The following CNOT6 variants were observed in gnomAD, a reference collection of about 807,000 sequenced individuals.
CNOT6 encodes the protein carbon catabolite repression 4 protein.
CNOT6 carries 12 observed loss-of-function variants against 61.2 expected under a neutral mutation model. The ratio of observed to expected loss-of-function variants is 0.20; its 90% CI spans 0.13 to 0.32. CNOT6 has a LOEUF of 0.32. Among genes scored for constraint, CNOT6 ranks in the 10% least tolerant of loss-of-function variants. The pLI, the probability that CNOT6 is intolerant of heterozygous loss-of-function variation, is 1.00. For synonymous variants in CNOT6, 225 were observed against 240.6 expected, an observed-to-expected ratio of 0.94 and a Z score of 0.60; for missense variants, 405 against 663.9, an observed-to-expected ratio of 0.61 and a Z score of 4.28.
At chr5:180,544,990 A>C (rs764797570) in intron 2 of CNOT6, among the ~76,000 whole-genome samples, 74 of 152,316 alleles carry the variant, frequency 4.9e-4, no homozygotes, top group Admixed American at 5.2e-4. Flanking sequence ...TTTTATATTA[A>C]ATGCCTTATT....
chr5:180,496,151 C>T (rs1756604613), intron 1 of CNOT6, among the ~76,000 whole-genome samples: 1 of 152,220 alleles, frequency 6.6e-6, no homozygotes, highest in Non-Finnish European at 1.5e-5. Context: ...GATCTTCCTT[C>T]CTTGGCCTCC....
In CNOT6 at chr5:180,524,085, A is replaced by C. The variant is rs575469790; in HGVS notation, c.-2-5190A>C. 2.6e-5 allele frequency among the ~76,000 whole-genome samples: 4 copies of C among 152,310 alleles called. No homozygotes were observed. In the East Asian group the frequency reaches 7.7e-4, roughly 29 times the overall value. On this transcript the variant is annotated intron_variant, in intron 1 of 11. Transcript: ENST00000261951. The stretch of plus-strand genomic sequence containing the variant: ...TTTGTTTGATTGTGCCAGGATCAGT[A>C]GTGATGTCTGGCATTTGATTGGTAA...
rs1484248819 is a variant in CNOT6, at chr5:180,512,504, G to A, written c.-2-16771G>A. ...TTCTCAGCAGTAGAGATCTTAAAGGGGAAGAGAAGGGATGATATAGAATCA... is the reference window on the plus strand; with the variant it reads ...TTCTCAGCAGTAGAGATCTTAAAGGAGAAGAGAAGGGATGATATAGAATCA... On this transcript the variant is annotated intron_variant, in intron 1 of 11. Coordinates refer to ENST00000261951, the MANE Select transcript of CNOT6 (RefSeq NM_001370472.1). Among the ~76,000 whole-genome samples the A allele has an allele frequency of 2.6e-5, 4 of 152,208 alleles. No individual in the cohort carries two copies. The East Asian group carries it at 5.8e-4, about 22-fold the overall frequency.
At chr5:180,553,234 C>T in intron 3 of CNOT6, 152 bp from the exon 4 acceptor site, 1 of 364,930 alleles carries the variant, frequency 2.7e-6, no homozygotes, top group Non-Finnish European at 5.1e-6. Flanking sequence ...TTTTAAACCA[C>T]ATGTTATTTA....
chr5:180,549,457 T>G (rs375149769), intron 2 of CNOT6, among the ~76,000 whole-genome samples: 165 of 152,086 alleles, frequency 1.1e-3, no homozygotes, highest in Non-Finnish European at 2.1e-3. Flanking sequence ...AGACCATCCT[T>G]GTTAACACCG....
intron 1 of CNOT6, among the ~76,000 whole-genome samples, chr5:180,523,595 A>G (rs1449163413): frequency 1.3e-5 from 2 of 152,274 alleles, no homozygotes; most frequent in East Asian, 3.9e-4. Flanking sequence ...CTTTAAATGT[A>G]ACTTTTTCTG....
intron 1 of CNOT6, among the ~76,000 whole-genome samples, chr5:180,522,034 T>A (rs1757898963): frequency 6.6e-6 from 1 of 152,214 alleles, no homozygotes; most frequent in Non-Finnish European, 1.5e-5. Flanking sequence ...GAAAGATTTA[T>A]TTTTCTTTGG....
In CNOT6 at chr5:180,549,982, C is replaced by G. The variant is rs1240232648; in HGVS notation, c.164C>G (p.Ala55Gly). Residue 55 changes from alanine to glycine, a missense_variant, in exon 3 of 12, where the codon GCT (alanine) becomes GGT (glycine). By Grantham distance (60) the Ala-to-Gly change is moderately conservative. This residue lies in a region of CNOT6 where 212 missense variants were observed against 307.1 expected (regional missense o/e 0.69). Coordinates refer to ENST00000261951, the MANE Select transcript of CNOT6 (RefSeq NM_001370472.1). ...ASLWSLTHLT[A>G]LHLSDNSLSR... ...TTGTGGTCACTAACTCACCTGACAG[C>G]TTTGCATTTGAGTGACAATTCCCTG... The G allele has an allele frequency of 6.2e-7, 1 of 1,614,022 alleles. No homozygotes were observed.
At chr5:180,533,299 C>G (rs1758481333) in intron 2 of CNOT6, among the ~76,000 whole-genome samples, 1 of 124,428 alleles carries the variant, frequency 8.0e-6, no homozygotes, top group Non-Finnish European at 1.7e-5. Flanking sequence ...AACCAGGAAC[C>G]ATGGATGAAA....
chr5:180,571,821 C>T (rs899897889), intron 11 of CNOT6, among the ~76,000 whole-genome samples: 3 of 152,146 alleles, frequency 2.0e-5, no homozygotes, highest in Admixed American at 1.3e-4. Context: ...CCTCAGCCTC[C>T]CAGTGTGCTG....
intron 2 of CNOT6, among the ~76,000 whole-genome samples, chr5:180,549,062 C>T (rs898526624): frequency 6.7e-6 from 1 of 150,054 alleles, no homozygotes. Context: ...CTATCTGAAG[C>T]GTTTCTGGGC....
At chr5:180,573,596 TGTGTGTCC>T (rs781562695) in intron 11 of CNOT6, among the ~76,000 whole-genome samples, 14,617 of 41,402 alleles carry the variant, frequency 0.35, 790 homozygotes, top group East Asian at 0.53. Context: ...TGTGTGTGTG[TGTGTGTCC>T]GTCCGTCCGT....
intron 4 of CNOT6, among the ~76,000 whole-genome samples, chr5:180,555,627 G>T (rs763235232): frequency 6.6e-6 from 1 of 152,076 alleles, no homozygotes; most frequent in African/African-American, 2.4e-5. Context: ...CTAATGTTGT[G>T]TCGGAACATT....
chr5:180,563,322 T>C (rs765986212), intron 4 of CNOT6, among the ~76,000 whole-genome samples: 31 of 151,998 alleles, frequency 2.0e-4, no homozygotes, highest in Non-Finnish European at 4.3e-4. Context: ...TTCACGCCAT[T>C]CTCCTGCCTC....
At chr5:180,570,974 A>G (rs1581575744) in intron 10 of CNOT6, among the ~76,000 whole-genome samples, 1 of 152,242 alleles carries the variant, frequency 6.6e-6, no homozygotes, top group Non-Finnish European at 1.5e-5. Context: ...AATATTATCC[A>G]CCAGCCCAAT....
intron 1 of CNOT6, among the ~76,000 whole-genome samples, chr5:180,502,744 T>TA (rs1333084135): frequency 1.3e-5 from 2 of 152,166 alleles, no homozygotes; most frequent in Non-Finnish European, 2.9e-5. Flanking sequence ...ATAGATGTGT[T>TA]AGTAATCTCT....
intron 2 of CNOT6, among the ~76,000 whole-genome samples, chr5:180,544,975 A>G (rs754524340): frequency 6.6e-6 from 1 of 152,116 alleles, no homozygotes; most frequent in Non-Finnish European, 1.5e-5. Context: ...AAAAACAACA[A>G]ATTGTTTTAT....
intron 1 of CNOT6, among the ~76,000 whole-genome samples, chr5:180,515,814 G>A (rs1464502975): frequency 6.6e-5 from 10 of 152,006 alleles, no homozygotes; most frequent in African/African-American, 1.5e-4. Context: ...TCTCCTTTAT[G>A]GTTGGGAAAA....
chr5:180,534,507 C>T (rs11740121), intron 2 of CNOT6: 34,804 of 149,868 alleles, frequency 0.23, 5,088 homozygotes, highest in Non-Finnish European at 0.33. Flanking sequence ...GAGGAATAGT[C>T]TGGTGTGGAG....
Sources: allele counts gnomAD v4.1 joint callset (sites outside exome capture counted in the v4.1 genomes callset), GRCh38; gene constraint gnomAD v4.1.1; regional missense constraint gnomAD v4.1.1; transcripts MANE v1.5; gene names NCBI Gene and HGNC (gene_info 2026-07-23, HGNC 2026-07-21).